RABGAP1L: variants seen among roughly 807,000 people sequenced by gnomAD.
RABGAP1L encodes the protein RAB GTPase activating protein 1 like, also known as rab GTPase-activating protein 1-like.
A neutral mutation model predicts 137.7 loss-of-function variants in RABGAP1L; 63 were observed. The observed-to-expected ratio is 0.46, with a 90% CI of 0.37 to 0.56. The LOEUF (loss-of-function observed/expected upper bound fraction) is 0.56, where lower values mean the gene tolerates loss of function less well. Among genes scored for constraint, RABGAP1L ranks in the 20% least tolerant of loss-of-function variants. The probability of loss-of-function intolerance (pLI) is 0.00; values close to 1 mark genes in which losing one functional copy is unlikely to be tolerated. For missense variants in RABGAP1L, 1,095 were observed against 1,244.0 expected, an observed-to-expected ratio of 0.88 and a Z score of 1.80; for synonymous variants, 431 against 433.7, an observed-to-expected ratio of 0.99 and a Z score of 0.08.
chr1:174,824,259 C>T (rs1339936107), intron 19 of RABGAP1L, among the ~76,000 whole-genome samples: 1 of 151,928 alleles, frequency 6.6e-6, no homozygotes, highest in African/African-American at 2.4e-5. Flanking sequence ...CACTTCCCTC[C>T]AGCCTGGGCG....
rs529638119 is a variant in RABGAP1L at position 174,395,893 on chromosome 1, A to G, written c.1710+1748A>G. Among the ~76,000 whole-genome samples, 7 of 152,060 alleles carry G rather than the reference A, an allele frequency of 4.6e-5. No homozygotes were observed. In the East Asian group the frequency reaches 1.4e-3, roughly 29 times the overall value. ...AGAGAAAGTAGATATTTCCTAGCCAAATTTCAACAAAATGATTGATGAGTG... is the reference window on the plus strand; with the variant it reads ...AGAGAAAGTAGATATTTCCTAGCCAGATTTCAACAAAATGATTGATGAGTG... On this transcript the variant is annotated intron_variant, in intron 13 of 25. Coordinates refer to ENST00000681986, the MANE Select transcript of RABGAP1L (RefSeq NM_001366446.1).
chr1:174,315,426 G>A (rs1299345174), intron 11 of RABGAP1L, among the ~76,000 whole-genome samples: 2 of 152,042 alleles, frequency 1.3e-5, no homozygotes, highest in Non-Finnish European at 2.9e-5. Flanking sequence ...CAGATCAATG[G>A]GTTTTGCTTT....
chr1:174,545,904 A>G (rs1362823305), intron 13 of RABGAP1L: 1 of 152,156 alleles, frequency 6.6e-6, no homozygotes, highest in East Asian at 1.9e-4. Context: ...CTTTGGTTAT[A>G]CTTGCAATGT....
At chr1:174,259,976 A>G (rs1368605890) in intron 7 of RABGAP1L, among the ~76,000 whole-genome samples, 2 of 151,932 alleles carry the variant, frequency 1.3e-5, no homozygotes, top group African/African-American at 4.8e-5. Context: ...CTGGGACTAT[A>G]GGCATGCGCC....
intron 15 of RABGAP1L, among the ~76,000 whole-genome samples, chr1:174,689,004 C>A (rs1331801070): frequency 6.6e-6 from 1 of 152,014 alleles, no homozygotes; most frequent in Non-Finnish European, 1.5e-5. Flanking sequence ...GGAATCATGA[C>A]TGAAAAGAGA....
At chr1:174,328,193 A>G (rs957560692) in intron 11 of RABGAP1L, among the ~76,000 whole-genome samples, 5 of 151,720 alleles carry the variant, frequency 3.3e-5, no homozygotes, top group Non-Finnish European at 7.4e-5. Context: ...TCTATACCCA[A>G]TGGACCTAAC....
chr1:174,724,749 T>C (rs555221356), intron 17 of RABGAP1L, among the ~76,000 whole-genome samples: 1 of 152,124 alleles, frequency 6.6e-6, no homozygotes, highest in Non-Finnish European at 1.5e-5. Context: ...AAAATATATA[T>C]GACTATATAT....
chr1:174,990,188 T>TCTG lies in RABGAP1L; in HGVS notation c.*187_*188insCTG. The TCTG allele has an allele frequency of 3.1e-6, 2 of 642,872 alleles. No individual in the cohort carries two copies. Among genetic ancestry groups the TCTG allele is most frequent in the South Asian group, 5.7e-5 (2 of 34,822 alleles). 39.8% of individuals were successfully genotyped at this position (642,872 alleles called of 1,614,324 possible). On this transcript the variant is annotated 3_prime_UTR_variant, in exon 26 of 26. Coordinates refer to ENST00000681986, the MANE Select transcript of RABGAP1L (RefSeq NM_001366446.1). ...GCTATTTAAACTGACCTGTTCTATG[T>TCTG]TGAATACCTATTTTCCAGCTTCTGG...
chr1:174,796,135 T>C (rs531137768), intron 18 of RABGAP1L, among the ~76,000 whole-genome samples: 1 of 152,204 alleles, frequency 6.6e-6, no homozygotes, highest in Non-Finnish European at 1.5e-5. Flanking sequence ...GTTTCTTTTC[T>C]CTTATTCCAT....
intron 12 of RABGAP1L, among the ~76,000 whole-genome samples, chr1:174,384,357 C>G (rs898266100): frequency 2.0e-4 from 31 of 152,012 alleles, no homozygotes; most frequent in African/African-American, 6.8e-4. Context: ...GCTCACAAAC[C>G]TATGTGCATT....
intron 13 of RABGAP1L, among the ~76,000 whole-genome samples, chr1:174,530,279 G>A (rs1353001997): frequency 6.6e-6 from 1 of 152,090 alleles, no homozygotes; most frequent in Non-Finnish European, 1.5e-5. Flanking sequence ...AAGCCACATA[G>A]GCAGCTGCCA....
intron 13 of RABGAP1L, among the ~76,000 whole-genome samples, chr1:174,565,572 T>G (rs1157516717): frequency 1.3e-5 from 2 of 152,208 alleles, no homozygotes; most frequent in African/African-American, 2.4e-5. Flanking sequence ...TTACGTATGT[T>G]AATATTAAGC....
chr1:174,908,255 T>C (rs547430340), intron 19 of RABGAP1L, among the ~76,000 whole-genome samples: 22 of 152,238 alleles, frequency 1.4e-4, no homozygotes, highest in African/African-American at 5.3e-4. Flanking sequence ...GACAGAAAAT[T>C]AGCAAAGAAA....
intron 11 of RABGAP1L, among the ~76,000 whole-genome samples, chr1:174,314,368 T>G (rs1431057291): frequency 6.6e-6 from 1 of 152,194 alleles, no homozygotes; most frequent in Non-Finnish European, 1.5e-5. Context: ...TCTGTTTTCC[T>G]TTCTGATCTT....
At chr1:174,834,881 A>G (rs935580440) in intron 19 of RABGAP1L, among the ~76,000 whole-genome samples, 2 of 152,142 alleles carry the variant, frequency 1.3e-5, no homozygotes, top group Admixed American at 1.3e-4. Context: ...GAGGTTGGAG[A>G]TGAAGCCAGG....
chr1:174,309,558 A>G (rs1452656870), intron 11 of RABGAP1L, among the ~76,000 whole-genome samples: 1 of 152,112 alleles, frequency 6.6e-6, no homozygotes, highest in Non-Finnish European at 1.5e-5. Context: ...AGTTTTTCAC[A>G]TGAAAGGATG....
At chr1:174,672,090 CTAAGT>C (rs1169813073) in intron 14 of RABGAP1L, among the ~76,000 whole-genome samples, 2 of 151,926 alleles carry the variant, frequency 1.3e-5, no homozygotes, top group Non-Finnish European at 2.9e-5. Context: ...TTTATCCATT[CTAAGT>C]TATCTAATTC....
intron 19 of RABGAP1L, chr1:174,877,554 C>T (rs577874542): frequency 1.1e-5 from 18 of 1,613,940 alleles, no homozygotes; most frequent in Admixed American, 3.3e-5. Context: ...GCCAGCTGCA[C>T]GATGAAGACT....
Position 174,195,616 on chromosome 1 carries a change from T to TCTTCCTTCCTTC in RABGAP1L, c.-33-23481_-33-23470dup, listed in dbSNP as rs1206660580. 1.0e-2 allele frequency among the ~76,000 whole-genome samples: 575 copies of TCTTCCTTCCTTC among 57,606 alleles called. 41 individuals carry two copies. The highest frequency in any genetic ancestry group is 0.062 in the Admixed American group (265 of 4,270). 37.8% of individuals were successfully genotyped at this position (57,606 alleles called of 152,430 possible). ...TTCTTTCTTTCTTTCTTTCTTTCTTTCTTCCTTCCTTCCTTCCTTCCTTCC... is the reference window on the plus strand; with the variant it reads ...TTCTTTCTTTCTTTCTTTCTTTCTTTCTTCCTTCCTTCCTTCCTTCCTTCCTTCCTTCCTTCC... On this transcript the variant is annotated intron_variant, in intron 1 of 25. Transcript: ENST00000681986.
Sources: gnomAD v4.1 joint callset for allele counts (sites outside exome capture counted in the v4.1 genomes callset) on GRCh38, gnomAD v4.1.1 for gene constraint, MANE v1.5 for transcripts, NCBI Gene and HGNC (gene_info 2026-07-23, HGNC 2026-07-21) for gene names.